Variants in B3GALT1 observed in about 807,000 individuals in gnomAD.
The protein encoded by B3GALT1 is UDP-Gal:betaGlcNAc beta 1,3-galactosyltransferase, polypeptide 1.
A neutral mutation model predicts 23.2 loss-of-function variants in B3GALT1; 10 were observed. That is an observed-to-expected ratio of 0.43 (90% CI 0.27 to 0.73). The LOEUF is 0.73. B3GALT1 is among the 30% of genes least tolerant of loss of function. B3GALT1 has a pLI of 0.21. For synonymous variants in B3GALT1, 156 were observed against 141.5 expected, an observed-to-expected ratio of 1.10 and a Z score of -0.73; for missense variants, 299 against 405.4, an observed-to-expected ratio of 0.74 and a Z score of 2.25.
chr2:167,337,293 T>C (rs1391193520), intron 1 of B3GALT1, among the ~76,000 whole-genome samples: 3 of 152,114 alleles, frequency 2.0e-5, no homozygotes, highest in East Asian at 1.9e-4. Flanking sequence ...TATAAAATTA[T>C]TTCTGGAGAG....
intron 1 of B3GALT1, among the ~76,000 whole-genome samples, chr2:167,465,042 G>T (rs1225203319): frequency 6.6e-6 from 1 of 152,064 alleles, no homozygotes; most frequent in Admixed American, 6.5e-5. Flanking sequence ...TACTTTGGGG[G>T]TGCCTGCTAC....
intron 1 of B3GALT1, among the ~76,000 whole-genome samples, chr2:167,390,472 G>A (rs1048990130): frequency 3.3e-5 from 5 of 152,318 alleles, no homozygotes; most frequent in Middle Eastern, 3.4e-3. Flanking sequence ...TTAGGCTCTA[G>A]GCAAAGGCTC....
intron 2 of B3GALT1, among the ~76,000 whole-genome samples, chr2:167,646,556 C>G (rs572767703): frequency 1.3e-5 from 2 of 152,130 alleles, no homozygotes; most frequent in Non-Finnish European, 2.9e-5. Context: ...CCTGCCATCA[C>G]AGGATCTTCT....
chr2:167,867,910 A>C (rs1429618246), intron 4 of B3GALT1, among the ~76,000 whole-genome samples: 1 of 152,228 alleles, frequency 6.6e-6, no homozygotes, highest in Non-Finnish European at 1.5e-5. Flanking sequence ...CACCAGCTGA[A>C]GTCTCCATCA....
chr2:167,714,387 T>C, intron 3 of B3GALT1: 1 of 1,519,464 alleles, frequency 6.6e-7, no homozygotes, highest in East Asian at 2.3e-5. Context: ...TTCCCTGGGC[T>C]GCTTGGGCTT....
intron 1 of B3GALT1, among the ~76,000 whole-genome samples, chr2:167,449,774 C>T (rs923230881): frequency 6.6e-6 from 1 of 152,086 alleles, no homozygotes; most frequent in Non-Finnish European, 1.5e-5. Context: ...CCCTTCTATG[C>T]CGATTTTGCT....
chr2:167,577,457 A>G (rs1684406508), intron 2 of B3GALT1, among the ~76,000 whole-genome samples: 1 of 151,960 alleles, frequency 6.6e-6, no homozygotes, highest in East Asian at 1.9e-4. Context: ...GAACACCTTT[A>G]TTTTTATTTT....
intron 3 of B3GALT1, among the ~76,000 whole-genome samples, chr2:167,786,181 TA>T (rs1248767592): frequency 2.0e-5 from 3 of 152,330 alleles, no homozygotes; most frequent in African/African-American, 7.2e-5. Context: ...TGAAGTAGTA[TA>T]AAAAAGACAA....
intron 3 of B3GALT1, among the ~76,000 whole-genome samples, chr2:167,786,899 A>C (rs1277852245): frequency 6.6e-6 from 1 of 152,098 alleles, no homozygotes; most frequent in Non-Finnish European, 1.5e-5. Flanking sequence ...ATTGGCTTGG[A>C]GGAGGTCTCA....
intron 1 of B3GALT1, among the ~76,000 whole-genome samples, chr2:167,461,157 T>A (rs909546117): frequency 3.3e-5 from 5 of 152,216 alleles, no homozygotes; most frequent in Non-Finnish European, 7.3e-5. Context: ...ATTCCTGATA[T>A]TTGGATGACA....
At chr2:167,829,488 A>G (rs1689298291) in intron 4 of B3GALT1, among the ~76,000 whole-genome samples, 1 of 149,738 alleles carries the variant, frequency 6.7e-6, no homozygotes, top group African/African-American at 2.5e-5. Context: ...ATCTCAAGGA[A>G]AAAAAAAAAG....
Position 167,831,590 on chromosome 2 carries a change from TGAG to T in B3GALT1, c.-230+12798_-230+12800del, listed in dbSNP as rs35783807. 7.7e-3 allele frequency among the ~76,000 whole-genome samples: 1,171 copies of T among 151,814 alleles called. 24 individuals carry two copies. Among genetic ancestry groups the T allele is most frequent in the African/African-American group, 0.027 (1,110 of 41,358 alleles). On this transcript the variant is annotated intron_variant, in intron 4 of 4. Transcript: ENST00000392690. Reference sequence around the variant, plus strand: ...GAGAAAGTGGTGCAGCGGGAAGAAATGAGAATGTGGAAAGGAGATATGAATAGA... The same window carrying T: ...GAGAAAGTGGTGCAGCGGGAAGAAATAATGTGGAAAGGAGATATGAATAGA...
Position 167,455,446 on chromosome 2 carries a change from C to T in B3GALT1, c.-510-34731C>T, listed in dbSNP as rs77213278. Among the ~76,000 whole-genome samples the T allele has an allele frequency of 1.4e-3, 211 of 152,174 alleles. 1 individual carries two copies. Among genetic ancestry groups the T allele is most frequent in the African/African-American group, 4.7e-3 (195 of 41,498 alleles). On this transcript the variant is annotated intron_variant, in intron 1 of 4. Transcript: ENST00000392690. ...AGGAAGGGGAGTAAAATAAAAGTGC[C>T]ATTTCTCCATCATCTTGAAGTAGCT...
At chr2:167,330,300 G>T (rs1696953272) in intron 1 of B3GALT1, among the ~76,000 whole-genome samples, 1 of 146,488 alleles carries the variant, frequency 6.8e-6, no homozygotes, top group East Asian at 1.9e-4. Flanking sequence ...CTAGTCTATT[G>T]TTGAAGCTTT....
intron 1 of B3GALT1, among the ~76,000 whole-genome samples, chr2:167,376,922 T>C (rs1697774267): frequency 6.6e-6 from 1 of 152,146 alleles, no homozygotes; most frequent in African/African-American, 2.4e-5. Flanking sequence ...TCCCTCTAGA[T>C]GTGATGATAG....
intron 3 of B3GALT1, among the ~76,000 whole-genome samples, chr2:167,734,398 T>G (rs1253706122): frequency 6.6e-6 from 1 of 152,200 alleles, no homozygotes. Context: ...TAAATCAATT[T>G]CCAGGCCACT....
chr2:167,814,350 C>T (rs186311616), intron 3 of B3GALT1, among the ~76,000 whole-genome samples: 1 of 152,070 alleles, frequency 6.6e-6, no homozygotes, highest in Non-Finnish European at 1.5e-5. Flanking sequence ...GGATAGAAAT[C>T]CTGAGATTAG....
intron 3 of B3GALT1, among the ~76,000 whole-genome samples, chr2:167,748,469 T>G (rs182623682): frequency 5.3e-5 from 8 of 152,222 alleles, no homozygotes; most frequent in Non-Finnish European, 7.3e-5. Context: ...CCTGAGATTA[T>G]TCTTTTCAGG....
chr2:167,860,361 C>G (rs1382598546), intron 4 of B3GALT1, among the ~76,000 whole-genome samples: 2 of 152,134 alleles, frequency 1.3e-5, no homozygotes, highest in African/African-American at 2.4e-5. Context: ...ATAGTTAACC[C>G]TTTCTCTCTG....
Sources: gnomAD v4.1 joint callset for allele counts (sites outside exome capture counted in the v4.1 genomes callset) on GRCh38, gnomAD v4.1.1 for gene constraint, MANE v1.5 for transcripts, NCBI Gene and HGNC (gene_info 2026-07-23, HGNC 2026-07-21) for gene names.